SMAD1: variants seen among roughly 807,000 people sequenced by gnomAD.
SMAD1 encodes the protein SMAD family member 1, also known as MAD, mothers against decapentaplegic homolog 1.
A neutral mutation model predicts 41.6 loss-of-function variants in SMAD1; 6 were observed. The ratio of observed to expected loss-of-function variants is 0.14; its 90% CI spans 0.08 to 0.28. The LOEUF (loss-of-function observed/expected upper bound fraction) is 0.28, where lower values mean the gene tolerates loss of function less well. SMAD1 is among the 10% of genes least tolerant of loss of function. The pLI, the probability that SMAD1 is intolerant of heterozygous loss-of-function variation, is 1.00. For missense variants in SMAD1, 379 were observed against 582.6 expected (o/e 0.65, Z 3.60); for synonymous variants, 206 against 203.2 (o/e 1.01, Z -0.12).
intron 2 of SMAD1, among the ~76,000 whole-genome samples, chr4:145,539,130 G>T (rs987081966): frequency 6.6e-6 from 1 of 152,158 alleles, no homozygotes; most frequent in Non-Finnish European, 1.5e-5. Flanking sequence ...CCTCACAGGT[G>T]GTGGTAAGGA....
At chr4:145,533,754 G>C (rs1235585972) in intron 2 of SMAD1, among the ~76,000 whole-genome samples, 1 of 152,196 alleles carries the variant, frequency 6.6e-6, no homozygotes, top group Non-Finnish European at 1.5e-5. Context: ...TGTAAGTGCT[G>C]CTGTGGACCA....
intron 2 of SMAD1, among the ~76,000 whole-genome samples, chr4:145,520,764 A>G (rs887350844): frequency 1.3e-5 from 2 of 152,276 alleles, no homozygotes; most frequent in East Asian, 3.9e-4. Context: ...AGAGTGTACT[A>G]TCTCTATCTC....
chr4:145,540,120 C>A, intron 3 of SMAD1, 59 bp downstream of exon 3: 3 of 1,591,484 alleles, frequency 1.9e-6, no homozygotes, highest in South Asian at 2.2e-5. Flanking sequence ...ATCACAGTGT[C>A]ACGGAAAAGC....
intron 2 of SMAD1, among the ~76,000 whole-genome samples, chr4:145,527,612 C>G (rs1731096455): frequency 6.6e-6 from 1 of 152,048 alleles, no homozygotes; most frequent in Admixed American, 6.6e-5. Context: ...TTTCACACAA[C>G]TTGTATCTGG....
chr4:145,554,747 A>G (rs1732746407), intron 6 of SMAD1, among the ~76,000 whole-genome samples: 1 of 152,176 alleles, frequency 6.6e-6, no homozygotes, highest in Non-Finnish European at 1.5e-5. Flanking sequence ...TAAAAACCTT[A>G]AATGTCTGAT....
intron 1 of SMAD1, among the ~76,000 whole-genome samples, chr4:145,511,728 A>G (rs1047911413): frequency 1.4e-4 from 22 of 152,164 alleles, no homozygotes; most frequent in African/African-American, 3.4e-4. Context: ...CTAACTTCAT[A>G]TATCTCTTTT....
intron 1 of SMAD1, among the ~76,000 whole-genome samples, chr4:145,494,111 G>T (rs1323769901): frequency 6.6e-6 from 1 of 151,620 alleles, no homozygotes; most frequent in Non-Finnish European, 1.5e-5. Context: ...GCAGGTGCCC[G>T]CCACCATGCC....
intron 1 of SMAD1, among the ~76,000 whole-genome samples, chr4:145,505,633 A>G (rs959726701): frequency 6.7e-6 from 1 of 148,678 alleles, no homozygotes; most frequent in African/African-American, 2.5e-5. Flanking sequence ...AAAAAAAAAA[A>G]TGCTGAACTA....
At chr4:145,481,630 G>T (rs1045200231), upstream of SMAD1, 3 of 152,566 alleles carry the variant, frequency 2.0e-5, no homozygotes, top group African/African-American at 7.2e-5. Context: ...AGAAGGGGGT[G>T]GCTCCGGCCG....
chr4:145,519,497 T>A (rs1730616620), intron 2 of SMAD1, among the ~76,000 whole-genome samples: 1 of 151,898 alleles, frequency 6.6e-6, no homozygotes, highest in Non-Finnish European at 1.5e-5. Context: ...TAATTTTTTT[T>A]TTTTTTAATT....
chr4:145,515,810 T>C (rs1299779746), intron 2 of SMAD1, among the ~76,000 whole-genome samples: 2 of 152,178 alleles, frequency 1.3e-5, no homozygotes, highest in Non-Finnish European at 2.9e-5. Flanking sequence ...CTGTTAATAG[T>C]TCCTGGGTTA....
chr4:145,516,169 G>C (rs1446873909), intron 2 of SMAD1, among the ~76,000 whole-genome samples: 11 of 152,082 alleles, frequency 7.2e-5, no homozygotes, highest in Admixed American at 7.2e-4. Context: ...CCACTGTTCT[G>C]AATCTGACGC....
At chr4:145,489,706 G>C (rs1728674706) in intron 1 of SMAD1, among the ~76,000 whole-genome samples, 1 of 152,202 alleles carries the variant, frequency 6.6e-6, no homozygotes, top group African/African-American at 2.4e-5. Flanking sequence ...CTAAGTCAAA[G>C]TATGCTACAG....
intron 1 of SMAD1, among the ~76,000 whole-genome samples, chr4:145,500,964 G>A (rs1274547877): frequency 6.6e-6 from 1 of 152,188 alleles, no homozygotes; most frequent in Admixed American, 6.5e-5. Context: ...GAGGCTCAGA[G>A]TTGTTTTCTT....
chr4:145,549,053 TATTA>T (rs1732410530), intron 5 of SMAD1, among the ~76,000 whole-genome samples: 1 of 152,130 alleles, frequency 6.6e-6, no homozygotes, highest in African/African-American at 2.4e-5. Flanking sequence ...AGAAACATTC[TATTA>T]AAAAGGGTGA....
At chr4:145,526,383 C>T (rs770104945) in intron 2 of SMAD1, among the ~76,000 whole-genome samples, 4 of 152,084 alleles carry the variant, frequency 2.6e-5, no homozygotes, top group Admixed American at 1.3e-4. Context: ...TCTTTGAGCA[C>T]CTGAAAAGTT....
intron 2 of SMAD1, among the ~76,000 whole-genome samples, chr4:145,518,700 G>T (rs1375449008): frequency 2.4e-5 from 3 of 125,372 alleles, no homozygotes; most frequent in African/African-American, 7.6e-5. Context: ...GTATCTCAAA[G>T]AACAGTTTAG....
At chr4:145,497,210 C>G (rs1729129209) in intron 1 of SMAD1, 1 of 152,152 alleles carries the variant, frequency 6.6e-6, no homozygotes, top group Non-Finnish European at 1.5e-5. Context: ...ATTATCTGTC[C>G]CATTTTTCAT....
intron 5 of SMAD1, among the ~76,000 whole-genome samples, chr4:145,553,179 G>A (rs904282221): frequency 1.3e-5 from 2 of 151,146 alleles, no homozygotes; most frequent in African/African-American, 4.9e-5. Flanking sequence ...CCAAAGTGCT[G>A]AGATTACAGG....
Sources: allele counts gnomAD v4.1 joint callset (sites outside exome capture counted in the v4.1 genomes callset), GRCh38; gene constraint gnomAD v4.1.1; transcripts MANE v1.5; gene names NCBI Gene and HGNC (gene_info 2026-07-23, HGNC 2026-07-21).